C2CD2: variants seen among roughly 807,000 people sequenced by gnomAD.
C2CD2 encodes C2 domain-containing protein 2.
In C2CD2, 43 loss-of-function variants were observed where a neutral mutation model predicts 74.3. The observed-to-expected ratio is 0.58, with a 90% CI of 0.45 to 0.75. C2CD2 has a LOEUF of 0.75. Among genes scored for constraint, C2CD2 ranks in the 30% least tolerant of loss-of-function variants. C2CD2 has a pLI of 0.00. For missense variants in C2CD2, 801 were observed against 916.3 expected, an observed-to-expected ratio of 0.87 and a Z score of 1.63; for synonymous variants, 422 against 390.7, an observed-to-expected ratio of 1.08 and a Z score of -0.94.
At chr21:41,896,954 C>CG (rs1365489102) in intron 13 of C2CD2, among the ~76,000 whole-genome samples, 1 of 152,162 alleles carries the variant, frequency 6.6e-6, no homozygotes, top group Non-Finnish European at 1.5e-5. Flanking sequence ...GAGGTAGGGG[C>CG]GCAGGAGTGA....
intron 10 of C2CD2, among the ~76,000 whole-genome samples, chr21:41,906,188 G>C (rs1470906623): frequency 6.6e-6 from 1 of 152,166 alleles, no homozygotes; most frequent in Non-Finnish European, 1.5e-5. Flanking sequence ...CTGTCTCCAA[G>C]GCAGTGCCTG....
intron 3 of C2CD2, among the ~76,000 whole-genome samples, chr21:41,919,244 G>T (rs1270003899): frequency 6.6e-6 from 1 of 152,236 alleles, no homozygotes; most frequent in Non-Finnish European, 1.5e-5. Context: ...GTGAGCACGT[G>T]TGCCTGTGTG....
In C2CD2 at chr21:41,914,613, C is replaced by T. The variant is rs1174114345; in HGVS notation, c.829G>A (p.Glu277Lys). ...CGTCACCCACCTGAGGCACCGGGCT[C>T]GCTGAGCAGCAAGACGTGGATGTTC... ...VRNIHVLLLS[E>K]PGASGHINAV... The change falls in exon 6 of 14, where the codon GAG (glutamate) becomes AAG (lysine). Residue 277 changes from glutamate (E) to lysine (K), a missense_variant. Transcript: ENST00000380486. 6.8e-6 allele frequency: 11 copies of T among 1,613,580 alleles called. No homozygotes were observed. Among genetic ancestry groups the T allele is most frequent in the Middle Eastern group, 1.7e-4 (1 of 6,044 alleles).
At chr21:41,947,988 C>A (rs1259063643) in intron 1 of C2CD2, among the ~76,000 whole-genome samples, 1 of 152,216 alleles carries the variant, frequency 6.6e-6, no homozygotes, top group African/African-American at 2.4e-5. Flanking sequence ...ACGCTACACC[C>A]ACACTTTCCT....
At position 41,918,146 on chromosome 21, in the gene C2CD2, C is replaced by T. The variant is rs1475538221; in HGVS notation, c.679G>A (p.Val227Met). ...GTCGTGGGCTTGGTAATCAGAACCA[C>T]TGATGGAGAGGCAGAACCAGCCAAA... is the stretch of plus-strand genomic sequence containing the variant. ...KHLAGSASPS[V>M]VLITKPTTVK... Residue 227 changes from valine to methionine, a missense_variant, in exon 5 of 14, where the codon GTG becomes ATG. Coordinates refer to ENST00000380486, the MANE Select transcript of C2CD2 (RefSeq NM_015500.2). The T allele has an allele frequency of 3.1e-6, 5 of 1,614,062 alleles. No individual in the cohort carries two copies. Among genetic ancestry groups the T allele is most frequent in the South Asian group, 2.2e-5 (2 of 91,084 alleles).
intron 11 of C2CD2, among the ~76,000 whole-genome samples, chr21:41,904,730 C>T (rs1431938554): frequency 6.6e-6 from 1 of 152,178 alleles, no homozygotes; most frequent in Non-Finnish European, 1.5e-5. Flanking sequence ...CCAGTGAGAA[C>T]TTTCCACTCC....
chr21:41,909,406 G>T, intron 8 of C2CD2, 53 bp downstream of exon 8: 2 of 1,215,884 alleles, frequency 1.6e-6, no homozygotes, highest in Non-Finnish European at 2.4e-6. Context: ...CCGAGGTCAT[G>T]CAGCGGAGGA....
chr21:41,946,808 T>C (rs1236782813), intron 1 of C2CD2, among the ~76,000 whole-genome samples: 1 of 152,118 alleles, frequency 6.6e-6, no homozygotes, highest in African/African-American at 2.4e-5. Flanking sequence ...ACCACTTCTG[T>C]GGTTTGTGTA....
chr21:41,927,019 T>G (rs1016578394), intron 2 of C2CD2, among the ~76,000 whole-genome samples: 2 of 152,176 alleles, frequency 1.3e-5, no homozygotes. Flanking sequence ...TTTAAGACAG[T>G]ATGAACTGGA....
At chr21:41,927,503 C>G (rs2065224059) in intron 2 of C2CD2, among the ~76,000 whole-genome samples, 1 of 152,150 alleles carries the variant, frequency 6.6e-6, no homozygotes, top group African/African-American at 2.4e-5. Context: ...CAGAGTCTCA[C>G]TCTGTTGCCC....
chr21:41,901,442 C>CTG (rs1363651706), intron 12 of C2CD2, 180 bp downstream of exon 12: 2 of 690,472 alleles, frequency 2.9e-6, no homozygotes, highest in African/African-American at 3.5e-5. Flanking sequence ...ATAGGATAAA[C>CTG]TGTGTAAACA....
At chr21:41,894,181 G>C (rs1257232903) in intron 13 of C2CD2, among the ~76,000 whole-genome samples, 1 of 152,198 alleles carries the variant, frequency 6.6e-6, no homozygotes, top group Non-Finnish European at 1.5e-5. Context: ...TCATGTGCGG[G>C]TGGGGACTGA....
At chr21:41,920,602 A>G (rs1469816180) in intron 3 of C2CD2, among the ~76,000 whole-genome samples, 1 of 151,956 alleles carries the variant, frequency 6.6e-6, no homozygotes, top group Non-Finnish European at 1.5e-5. Context: ...GATGGAGACC[A>G]CTCTTGCATC....
intron 13 of C2CD2, 149 bp downstream of exon 13, chr21:41,898,904 C>T: frequency 1.4e-6 from 1 of 692,756 alleles, no homozygotes; most frequent in Non-Finnish European, 2.5e-6. Flanking sequence ...ACATTCAGCA[C>T]AGGGCATTTC....
chr21:41,891,191 C>T lies in C2CD2; in HGVS notation c.1871-1847G>A, dbSNP rs182757778. On this transcript the variant is annotated intron_variant, in intron 13 of 13. Coordinates refer to ENST00000380486, the MANE Select transcript of C2CD2 (RefSeq NM_015500.2). ...AAAGTTAGGAGCCTGTGTGCAGGAG[C>T]TTCGGAGACTGCTGGAAAAGGAATG... is the stretch of plus-strand genomic sequence containing the variant. Among the ~76,000 whole-genome samples, 13 of 114,498 alleles carry T rather than the reference C, an allele frequency of 1.1e-4. No homozygotes were observed. The East Asian group carries it at 3.6e-3, about 31-fold the overall frequency. 75.1% of individuals were successfully genotyped at this position (114,498 alleles called of 152,430 possible).
intron 12 of C2CD2, chr21:41,901,376 C>G (rs1650301715): frequency 1.8e-6 from 1 of 558,250 alleles, no homozygotes; most frequent in African/African-American, 1.9e-5. Context: ...AATGATTTGC[C>G]AACCTCTCAA....
intron 11 of C2CD2, among the ~76,000 whole-genome samples, chr21:41,905,160 A>T (rs2064945123): frequency 6.6e-6 from 1 of 152,164 alleles, no homozygotes; most frequent in South Asian, 2.1e-4. Flanking sequence ...TTTAAAATGT[A>T]AAGTCTCAGT....
intron 2 of C2CD2, among the ~76,000 whole-genome samples, chr21:41,928,678 C>T (rs543745150): frequency 9.9e-5 from 15 of 151,946 alleles, no homozygotes; most frequent in African/African-American, 3.6e-4. Flanking sequence ...ATGGACAGAG[C>T]AGGGGACCGC....
chr21:41,942,916 G>C, intron 1 of C2CD2: 1 of 976,776 alleles, frequency 1.0e-6, no homozygotes, highest in Non-Finnish European at 1.2e-6. Context: ...TGGCCCCAAG[G>C]TTCACCTGTG....
Sources: allele counts gnomAD v4.1 joint callset (sites outside exome capture counted in the v4.1 genomes callset), GRCh38; gene constraint gnomAD v4.1.1; transcripts MANE v1.5; gene names NCBI Gene and HGNC (gene_info 2026-07-23, HGNC 2026-07-21).